MED13L: variants seen among roughly 807,000 people sequenced by gnomAD.
MED13L encodes the protein mediator complex subunit 13L.
Under a neutral mutation model 220.9 loss-of-function variants are expected in MED13L, and 7 were observed. The observed-to-expected ratio is 0.03, with a 90% CI of 0.02 to 0.06. The LOEUF (loss-of-function observed/expected upper bound fraction) is 0.06. MED13L is among the 10% of genes least tolerant of loss of function. The pLI is 1.00. For synonymous variants in MED13L, 1,011 were observed against 1,015.2 expected, an observed-to-expected ratio of 1.00 and a Z score of 0.08; for missense variants, 1,965 against 2,760.5, an observed-to-expected ratio of 0.71 and a Z score of 6.46.
intron 4 of MED13L, among the ~76,000 whole-genome samples, chr12:116,039,533 C>T (rs180753525): frequency 6.6e-5 from 10 of 152,308 alleles, no homozygotes; most frequent in Admixed American, 4.6e-4. Flanking sequence ...ATGATCCCAA[C>T]TCCTCTATCC....
rs949812409 is a variant in MED13L, at chr12:116,276,479, C to A, written c.72+581G>T. On this transcript the variant is annotated intron_variant, in intron 1 of 30. Transcript: ENST00000281928. Reference sequence around the variant, plus strand: ...TTTACGGCTCTCCAGCATAGTAAGCCCCGAGAGGCAGGCGGCTGTCGATGT... The same window carrying A: ...TTTACGGCTCTCCAGCATAGTAAGCACCGAGAGGCAGGCGGCTGTCGATGT... The A allele has an allele frequency of 2.2e-5, 28 of 1,288,212 alleles. No homozygotes were observed. In the African/African-American group the frequency reaches 4.3e-4, roughly 20 times the overall value. 79.8% of individuals were successfully genotyped at this position (1,288,212 alleles called of 1,614,324 possible).
intron 4 of MED13L, among the ~76,000 whole-genome samples, chr12:116,053,283 G>A (rs1348891534): frequency 1.3e-5 from 2 of 152,076 alleles, no homozygotes; most frequent in South Asian, 2.1e-4. Flanking sequence ...TACTCTTCTA[G>A]AAGAAAAAGT....
At chr12:116,011,184 C>T (rs1170062312) in intron 9 of MED13L, among the ~76,000 whole-genome samples, 1 of 152,060 alleles carries the variant, frequency 6.6e-6, no homozygotes, top group Non-Finnish European at 1.5e-5. Context: ...TGCACCCAGC[C>T]TAAGGATTTT....
intron 2 of MED13L, among the ~76,000 whole-genome samples, chr12:116,218,270 A>G (rs1883117699): frequency 6.6e-6 from 1 of 152,198 alleles, no homozygotes; most frequent in Non-Finnish European, 1.5e-5. Flanking sequence ...ATAGCTCTCA[A>G]GAATATCCAA....
intron 14 of MED13L, among the ~76,000 whole-genome samples, chr12:116,002,618 GAATTATATTTATAAA>G (rs1479618725): frequency 3.9e-5 from 6 of 152,116 alleles, no homozygotes; most frequent in African/African-American, 1.4e-4. Context: ...ATCCTTGAGT[GAATTATATTTATAAA>G]AACAGAAACA....
At chr12:116,014,968 T>C in intron 8 of MED13L, 141 bp downstream of exon 8, 1 of 810,344 alleles carries the variant, frequency 1.2e-6, no homozygotes, top group Non-Finnish European at 2.1e-6. Context: ...AATTTTATTC[T>C]ATTAAATTCA....
chr12:116,232,504 T>A (rs1869658053), intron 2 of MED13L, among the ~76,000 whole-genome samples: 1 of 152,258 alleles, frequency 6.6e-6, no homozygotes, highest in Non-Finnish European at 1.5e-5. Context: ...TATCAAATCA[T>A]TAAAAATTTT....
chr12:116,081,470 T>G (rs1378194377), intron 4 of MED13L, among the ~76,000 whole-genome samples: 2 of 152,150 alleles, frequency 1.3e-5, no homozygotes, highest in Admixed American at 6.5e-5. Flanking sequence ...AGAATACATA[T>G]AGCATAAAAA....
chr12:116,253,753 G>GTTTTTTTT (rs746923184), intron 1 of MED13L, among the ~76,000 whole-genome samples: 38 of 76,496 alleles, frequency 5.0e-4, no homozygotes, highest in Non-Finnish European at 6.5e-4. Context: ...GGTTTTTTTT[G>GTTTTTTTT]TTTTTTTTTT....
chr12:116,269,923 AG>A, intron 1 of MED13L, among the ~76,000 whole-genome samples: 1 of 152,256 alleles, frequency 6.6e-6, no homozygotes, highest in East Asian at 1.9e-4. Context: ...TCATCTAGAA[AG>A]AAGTCAATGA....
intron 2 of MED13L, among the ~76,000 whole-genome samples, chr12:116,200,053 G>T (rs1881906308): frequency 6.8e-6 from 1 of 147,474 alleles, no homozygotes; most frequent in South Asian, 2.2e-4. Context: ...TAGCACTCTG[G>T]ATGGCCAAGG....
chr12:116,157,541 A>G (rs1483568902), intron 2 of MED13L, among the ~76,000 whole-genome samples: 4 of 152,208 alleles, frequency 2.6e-5, no homozygotes, highest in African/African-American at 9.6e-5. Flanking sequence ...TTTCTTTGGC[A>G]ACGGTTTTGT....
intron 4 of MED13L, among the ~76,000 whole-genome samples, chr12:116,023,730 T>G (rs1880202471): frequency 6.6e-6 from 1 of 152,196 alleles, no homozygotes; most frequent in African/African-American, 2.4e-5. Context: ...ACACCCAGTC[T>G]TGGTATCTGG....
intron 28 of MED13L, among the ~76,000 whole-genome samples, chr12:115,966,582 C>T (rs1255286539): frequency 2.0e-5 from 3 of 152,194 alleles, no homozygotes; most frequent in Non-Finnish European, 4.4e-5. Flanking sequence ...CTCTACCACA[C>T]GCAGGTGCTC....
At position 116,019,929 on chromosome 12, in the gene MED13L, T is replaced by G. The variant is rs1879956428; in HGVS notation, c.669A>C (p.Gln223His). Reference sequence around the variant, plus strand: ...TGGCTGGGTCTGACATCTTGTATGCTTGGCCTGTTAGCGTCCCATTTAAGC... The same window carrying G: ...TGGCTGGGTCTGACATCTTGTATGCGTGGCCTGTTAGCGTCCCATTTAAGC... ...PYGLNGTLTG[Q>H]AYKMSDPATR... is the part of the protein sequence containing the mutation. The change falls in exon 6 of 31, where the codon CAA becomes CAC. Residue 223 changes from glutamine (Q) to histidine (H), a missense_variant. Transcript: ENST00000281928. 6.2e-7 allele frequency: 1 copy of G among 1,613,758 alleles called. No individual in the cohort carries two copies. The highest frequency in any genetic ancestry group is 1.3e-5 in the African/African-American group (1 of 74,906).
intron 26 of MED13L, among the ~76,000 whole-genome samples, chr12:115,971,610 T>C (rs1876590346): frequency 1.3e-5 from 2 of 152,254 alleles, no homozygotes; most frequent in African/African-American, 4.8e-5. Flanking sequence ...TACCAGGTAC[T>C]GTGCTAACTG....
chr12:116,009,162 A>G, intron 9 of MED13L, 30 bp from the exon 10 acceptor site: 1 of 1,612,266 alleles, frequency 6.2e-7, no homozygotes, highest in Non-Finnish European at 8.5e-7. Flanking sequence ...TTACATCATT[A>G]TAACATTAAG....
At chr12:116,155,852 T>C (rs1878384668) in intron 2 of MED13L, among the ~76,000 whole-genome samples, 2 of 152,220 alleles carry the variant, frequency 1.3e-5, no homozygotes, top group Admixed American at 6.5e-5. Flanking sequence ...CAAGCACTTA[T>C]TCACTCTTCC....
At chr12:116,136,669 G>A (rs1169193492) in intron 2 of MED13L, among the ~76,000 whole-genome samples, 2 of 152,214 alleles carry the variant, frequency 1.3e-5, no homozygotes, top group Non-Finnish European at 2.9e-5. Context: ...CTGCGTTCAA[G>A]TAAACATCAG....
Sources: gnomAD v4.1 joint callset for allele counts (sites outside exome capture counted in the v4.1 genomes callset) on GRCh38, gnomAD v4.1.1 for gene constraint, MANE v1.5 for transcripts, NCBI Gene and HGNC (gene_info 2026-07-23, HGNC 2026-07-21) for gene names.